Variants in RGS3 observed in about 807,000 individuals in gnomAD.
RGS3 encodes the protein regulator of G-protein signalling 3.
In RGS3, 80 loss-of-function variants were observed where a neutral mutation model predicts 132.6. The ratio of observed to expected loss-of-function variants is 0.60; its 90% CI spans 0.50 to 0.73. The LOEUF (loss-of-function observed/expected upper bound fraction) is 0.73, where lower values mean the gene tolerates loss of function less well. Ranked by LOEUF, RGS3 falls within the 30% of genes least tolerant of loss-of-function variation. The pLI is 0.00. For synonymous variants in RGS3, 598 were observed against 620.6 expected (o/e 0.96, Z 0.54); for missense variants, 1,382 against 1,530.8 (o/e 0.90, Z 1.62).
In RGS3 at chr9:113,593,678, G is replaced by C. The variant is rs372762039; in HGVS notation, c.3081-752G>C. Reference sequence around the variant, plus strand: ...TTCTCTGGGAGGTGCCCTGTACAGGGGGTCTAGGGAAAAGAGGGGCGAACA... The same window carrying C: ...TTCTCTGGGAGGTGCCCTGTACAGGCGGTCTAGGGAAAAGAGGGGCGAACA... On this transcript the variant is annotated intron_variant, in intron 21 of 24. Transcript: ENST00000350696. 1.2e-3 allele frequency: 685 copies of C among 548,700 alleles called. 3 individuals are homozygous for C. The highest frequency in any genetic ancestry group is 0.012 in the African/African-American group (615 of 52,910). 34.0% of individuals were successfully genotyped at this position (548,700 alleles called of 1,614,324 possible). A position where few individuals can be genotyped will look rare whatever the true frequency, so the allele number is the denominator to read the frequency against.
At chr9:113,517,122 A>G (rs1279486210) in intron 15 of RGS3, 1 of 425,776 alleles carries the variant, frequency 2.3e-6, no homozygotes, top group Non-Finnish European at 4.7e-6. Flanking sequence ...AAGTGACCAA[A>G]TCTCTTGGCA....
intron 4 of RGS3, among the ~76,000 whole-genome samples, chr9:113,482,333 A>G (rs1830191016): frequency 6.6e-6 from 1 of 152,210 alleles, no homozygotes; most frequent in Non-Finnish European, 1.5e-5. Context: ...AATTGGAACA[A>G]CTACCATGTG....
chr9:113,565,035 G>T lies in RGS3; in HGVS notation c.2038-18415G>T. On this transcript the variant is annotated intron_variant, in intron 19 of 24. Transcript: ENST00000350696. The surrounding 1 kb of genome is among the most constrained non-coding windows in gnomAD (Gnocchi z 5.7). ...CTGGGAGCCCTCAGGATGTGTGTGGGGTGGAGCCTGCTAGGGATCCCAGTG... is the reference window on the plus strand; with the variant it reads ...CTGGGAGCCCTCAGGATGTGTGTGGTGTGGAGCCTGCTAGGGATCCCAGTG... 2 of 1,123,802 alleles carry T rather than the reference G, an allele frequency of 1.8e-6. No homozygotes were observed. The highest frequency in any genetic ancestry group is 4.0e-5 in the South Asian group (2 of 50,116). The allele number at this position is 1,123,802 out of a possible 1,614,324, so 69.6% of individuals were successfully genotyped here.
chr9:113,553,273 C>T (rs549979593), intron 19 of RGS3, among the ~76,000 whole-genome samples: 22 of 148,496 alleles, frequency 1.5e-4, no homozygotes, highest in African/African-American at 2.0e-4. Flanking sequence ...GAGACCCCAT[C>T]GCTACAAAAA....
chr9:113,553,701 G>A (rs892188840), intron 19 of RGS3, among the ~76,000 whole-genome samples: 3 of 151,710 alleles, frequency 2.0e-5, no homozygotes, highest in Non-Finnish European at 2.9e-5. Context: ...AAATTAGCCA[G>A]GTGTGGTGCT....
intron 7 of RGS3, among the ~76,000 whole-genome samples, chr9:113,495,214 C>T (rs907005762): frequency 1.3e-4 from 20 of 152,144 alleles, no homozygotes; most frequent in Admixed American, 1.0e-3. Flanking sequence ...TTTAGCCCCT[C>T]GCCATAGTCT....
At chr9:113,543,045 AC>A (rs1832968817) in intron 19 of RGS3, among the ~76,000 whole-genome samples, 1 of 152,044 alleles carries the variant, frequency 6.6e-6, no homozygotes, top group African/African-American at 2.4e-5. Flanking sequence ...CAGCTCTCAT[AC>A]TCTTATCTAA....
At chr9:113,474,562 A>G (rs7864645) in intron 3 of RGS3, among the ~76,000 whole-genome samples, 18,035 of 151,842 alleles carry the variant, frequency 0.12, 1,276 homozygotes, top group African/African-American at 0.19. Context: ...CTGGCTGGGC[A>G]CCCTCCCTCC....
intron 3 of RGS3, among the ~76,000 whole-genome samples, chr9:113,477,810 TG>T (rs1226804230): frequency 2.6e-5 from 4 of 152,218 alleles, no homozygotes; most frequent in African/African-American, 9.7e-5. Flanking sequence ...TACAGGTGAC[TG>T]GGCAGAGGGA....
rs373037774 is a variant in RGS3, at chr9:113,528,157, G to A, written c.1871-1064G>A. The stretch of plus-strand genomic sequence containing the variant: ...TGGTTGGCATGGAGCACTGTGGTGC[G>A]CTAAGGTCCTGTGGCCCTTTAAGCA... On this transcript the variant is annotated intron_variant, in intron 17 of 24. Coordinates refer to ENST00000350696, the Ensembl canonical transcript of RGS3. Among the ~76,000 whole-genome samples, 347 of 152,290 alleles carry A rather than the reference G, an allele frequency of 2.3e-3. 15 individuals carry two copies. The South Asian group carries it at 0.069, about 30-fold the overall frequency.
intron 18 of RGS3, among the ~76,000 whole-genome samples, chr9:113,529,504 C>A (rs1367240952): frequency 6.6e-6 from 1 of 152,154 alleles, no homozygotes; most frequent in Non-Finnish European, 1.5e-5. Context: ...TAGAACAGAC[C>A]CTTGAGATTT....
At chr9:113,468,584 TA>T (rs1352400223) in intron 3 of RGS3, among the ~76,000 whole-genome samples, 1 of 152,110 alleles carries the variant, frequency 6.6e-6, no homozygotes, top group Non-Finnish European at 1.5e-5. Context: ...ATATAGAAAA[TA>T]AAAAAACTCA....
intron 10 of RGS3, chr9:113,501,271 T>C: frequency 2.0e-6 from 1 of 500,370 alleles, no homozygotes; most frequent in Non-Finnish European, 3.3e-6. Context: ...TGGCGGAGAA[T>C]GCAGCCAGAA....
chr9:113,594,185 C>T (rs762926178), intron 21 of RGS3: 2 of 1,613,016 alleles, frequency 1.2e-6, no homozygotes, highest in Admixed American at 3.3e-5. Flanking sequence ...ACCGTTGCTG[C>T]CCGCTGCCCA....
At chr9:113,458,118 T>C (rs1829400664), upstream of RGS3, among the ~76,000 whole-genome samples, 1 of 152,236 alleles carries the variant, frequency 6.6e-6, no homozygotes, top group Admixed American at 6.5e-5. Context: ...GGTTTCACCA[T>C]GTTGCTCAGG....
chr9:113,491,699 C>T (rs1830528226), intron 7 of RGS3, among the ~76,000 whole-genome samples: 2 of 151,904 alleles, frequency 1.3e-5, no homozygotes, highest in African/African-American at 2.4e-5. Context: ...GGATTACAGG[C>T]GCATGCCACC....
rs1451953856 is a variant in RGS3 at position 113,594,191 on chromosome 9, G to A, written c.3081-239G>A. 8.7e-6 allele frequency: 14 copies of A among 1,612,884 alleles called. No homozygotes were observed. In the Admixed American group the frequency reaches 2.2e-4, roughly 25 times the overall value. The stretch of plus-strand genomic sequence containing the variant: ...GCAGCCTGCACCGTTGCTGCCCGCT[G>A]CCCAGGACGCGGGGTGGGGGACAGG... On this transcript the variant is annotated intron_variant, in intron 21 of 24. Coordinates refer to ENST00000350696, the Ensembl canonical transcript of RGS3.
chr9:113,545,704 ATAACATAAGG>A (rs1193468902), intron 19 of RGS3, among the ~76,000 whole-genome samples: 11 of 152,168 alleles, frequency 7.2e-5, no homozygotes, highest in African/African-American at 2.7e-4. Flanking sequence ...AGGTAGAATG[ATAACATAAGG>A]TAACCTGGTG....
intron 16 of RGS3, among the ~76,000 whole-genome samples, chr9:113,520,786 G>T (rs1457471180): frequency 6.6e-6 from 1 of 151,864 alleles, no homozygotes; most frequent in Non-Finnish European, 1.5e-5. Context: ...CTGAGCTCTT[G>T]AGTCATTTTC....
Sources: allele counts gnomAD v4.1 joint callset (sites outside exome capture counted in the v4.1 genomes callset), GRCh38; gene constraint gnomAD v4.1.1; non-coding constraint Gnocchi (gnomAD v3.1); transcripts MANE v1.5; gene names NCBI Gene and HGNC (gene_info 2026-07-23, HGNC 2026-07-21).